The following SRD5A2 variants were observed in gnomAD, a reference collection of about 807,000 sequenced individuals.
The protein encoded by SRD5A2 is 3-oxo-5-alpha-steroid 4-dehydrogenase 2.
SRD5A2 carries 30 observed loss-of-function variants against 27.4 expected under a neutral mutation model. That is an observed-to-expected ratio of 1.10 (90% confidence interval 0.82 to 1.49). The LOEUF (loss-of-function observed/expected upper bound fraction) is 1.49, where lower values mean the gene tolerates loss of function less well. SRD5A2 is among the 40% of genes most tolerant of loss of function. The pLI is 0.00. For synonymous variants in SRD5A2, 141 were observed against 133.6 expected (o/e 1.06, Z -0.38); for missense variants, 348 against 323.4 (o/e 1.08, Z -0.58).
chr2:31,606,903 A>T, the SRD5A2 span, among the ~76,000 whole-genome samples: 1 of 151,972 alleles, frequency 6.6e-6, no homozygotes, highest in Non-Finnish European at 1.5e-5. Flanking sequence ...TGTCAAAAGC[A>T]ATGGTTCCTC....
chr2:31,656,155 A>C, the SRD5A2 span, among the ~76,000 whole-genome samples: 1 of 152,188 alleles, frequency 6.6e-6, no homozygotes, highest in African/African-American at 2.4e-5. Context: ...TAGTAGTGAA[A>C]GTTATTTTTG....
At chr2:31,591,173 T>C in the SRD5A2 span, among the ~76,000 whole-genome samples, 972 of 152,316 alleles carry the variant, frequency 6.4e-3, 5 homozygotes, top group Admixed American at 0.011. Flanking sequence ...GAGAACATTT[T>C]TGCAATCTAT....
intron 2 of SRD5A2, among the ~76,000 whole-genome samples, chr2:31,531,702 T>C (rs1458265647): frequency 1.3e-5 from 2 of 152,302 alleles, no homozygotes; most frequent in African/African-American, 4.8e-5. Context: ...GCACCACTGA[T>C]GGAGACAGAT....
intron 1 of SRD5A2, among the ~76,000 whole-genome samples, chr2:31,537,626 G>A (rs1023473278): frequency 3.3e-5 from 5 of 152,062 alleles, no homozygotes; most frequent in African/African-American, 7.2e-5. Context: ...AGTGCCCCCA[G>A]AACTCAGGAC....
At chr2:31,602,549 A>G in the SRD5A2 span, among the ~76,000 whole-genome samples, 6 of 152,066 alleles carry the variant, frequency 3.9e-5, no homozygotes, top group Non-Finnish European at 8.8e-5. Context: ...CAGAATTAGA[A>G]AAAACTATTT....
chr2:31,562,816 G>A (rs1266593328), intron 1 of SRD5A2, among the ~76,000 whole-genome samples: 1 of 152,032 alleles, frequency 6.6e-6, no homozygotes, highest in East Asian at 1.9e-4. Context: ...TGTACCCCCT[G>A]AATTAAATTT....
rs1162840074 is a variant in SRD5A2, at chr2:31,523,663, T to G, written c.*2533A>C. 4.5e-6 allele frequency: 1 copy of G among 221,200 alleles called. No homozygotes were observed. Among genetic ancestry groups the G allele is most frequent in the Non-Finnish European group, 9.0e-6 (1 of 110,528 alleles). The allele number at this position is 221,200 out of a possible 1,614,324, so 13.7% of individuals were successfully genotyped here. ...GCTTCAGCAAGACCAAGATAGAGTATCTTGTGAGCTAGGACACTGTTAGAT... is the reference window on the plus strand; with the variant it reads ...GCTTCAGCAAGACCAAGATAGAGTAGCTTGTGAGCTAGGACACTGTTAGAT... On this transcript the variant is annotated 3_prime_UTR_variant, in exon 5 of 5. Transcript: ENST00000622030.
intron 2 of SRD5A2, among the ~76,000 whole-genome samples, chr2:31,532,009 G>A (rs902034399): frequency 1.5e-4 from 23 of 152,108 alleles, no homozygotes; most frequent in Admixed American, 6.5e-4. Flanking sequence ...AGGCAAGACC[G>A]GTGCCCCTAC....
chr2:31,574,328 AC>A (rs1472054736), intron 1 of SRD5A2, among the ~76,000 whole-genome samples: 2 of 152,214 alleles, frequency 1.3e-5, no homozygotes, highest in Admixed American at 1.3e-4. Context: ...AGATCAGGAG[AC>A]CAGGCTTCAA....
At chr2:31,583,571 A>C (rs927780006), upstream of SRD5A2, among the ~76,000 whole-genome samples, 1 of 141,174 alleles carries the variant, frequency 7.1e-6, no homozygotes, top group Non-Finnish European at 1.5e-5. Flanking sequence ...GATTATCAGC[A>C]TATCAGGATC....
the SRD5A2 span, among the ~76,000 whole-genome samples, chr2:31,613,824 C>A: frequency 2.0e-5 from 3 of 152,224 alleles, no homozygotes; most frequent in South Asian, 6.2e-4. Flanking sequence ...ACATGTCTTG[C>A]ATGGTGGCAG....
At chr2:31,660,063 A>G in the SRD5A2 span, among the ~76,000 whole-genome samples, 1 of 151,752 alleles carries the variant, frequency 6.6e-6, no homozygotes, top group Non-Finnish European at 1.5e-5. Flanking sequence ...TATAGATTTC[A>G]TCTATAGAAT....
chr2:31,550,648 T>C (rs537616585), intron 1 of SRD5A2, among the ~76,000 whole-genome samples: 26 of 152,036 alleles, frequency 1.7e-4, no homozygotes, highest in African/African-American at 6.3e-4. Context: ...AATAACCTGA[T>C]TATATCAATC....
chr2:31,522,972 G>C lies in SRD5A2; in HGVS notation c.*3224C>G. The C allele has an allele frequency of 4.5e-6, 1 of 221,420 alleles. No individual in the cohort carries two copies. Among genetic ancestry groups the C allele is most frequent in the Non-Finnish European group, 9.0e-6 (1 of 110,714 alleles). The allele number at this position is 221,420 out of a possible 1,614,324, so 13.7% of individuals were successfully genotyped here. A position where few individuals can be genotyped will look rare whatever the true frequency, so the allele number is the denominator to read the frequency against. On this transcript the variant is annotated 3_prime_UTR_variant, in exon 5 of 5. Transcript: ENST00000622030. Reference sequence around the variant, plus strand: ...AAGAGAGCTATTATCAAACTTCAGGGTTGTAAAACCACGGATTTATTTATT... The same window carrying C: ...AAGAGAGCTATTATCAAACTTCAGGCTTGTAAAACCACGGATTTATTTATT...
chr2:31,605,314 G>C, the SRD5A2 span, among the ~76,000 whole-genome samples: 1 of 151,638 alleles, frequency 6.6e-6, no homozygotes, highest in Non-Finnish European at 1.5e-5. Flanking sequence ...AAATTAAAAA[G>C]CATCTTCACA....
chr2:31,616,767 T>G, the SRD5A2 span, among the ~76,000 whole-genome samples: 1 of 152,172 alleles, frequency 6.6e-6, no homozygotes, highest in African/African-American at 2.4e-5. Flanking sequence ...CTGACATGAG[T>G]TAAGACTTTG....
At chr2:31,609,740 T>C in the SRD5A2 span, among the ~76,000 whole-genome samples, 1 of 152,152 alleles carries the variant, frequency 6.6e-6, no homozygotes, top group East Asian at 1.9e-4. Context: ...AAAGCCTTCA[T>C]TCAGAAAAAA....
upstream of SRD5A2, among the ~76,000 whole-genome samples, chr2:31,582,795 C>T (rs1182763494): frequency 6.6e-6 from 1 of 152,184 alleles, no homozygotes; most frequent in Non-Finnish European, 1.5e-5. Flanking sequence ...CTGAGTGTTA[C>T]CTCTTCCCTG....
At chr2:31,562,665 G>T (rs1265471797) in intron 1 of SRD5A2, among the ~76,000 whole-genome samples, 1 of 152,062 alleles carries the variant, frequency 6.6e-6, no homozygotes, top group Non-Finnish European at 1.5e-5. Context: ...ACACACCAGG[G>T]ATTCCAAAAG....
Sources: gnomAD v4.1 joint callset for allele counts (sites outside exome capture counted in the v4.1 genomes callset) on GRCh38, gnomAD v4.1.1 for gene constraint, MANE v1.5 for transcripts, NCBI Gene and HGNC (gene_info 2026-07-23, HGNC 2026-07-21) for gene names.